RIT2: variants seen among roughly 807,000 people sequenced by gnomAD.
RIT2 encodes the protein Ras like without CAAX 2, also known as GTP-binding protein Rit2.
RIT2 carries 24 observed loss-of-function variants against 23.7 expected under a neutral mutation model. The observed-to-expected ratio is 1.01, with a 90% CI of 0.73 to 1.43. The LOEUF (loss-of-function observed/expected upper bound fraction) is 1.43. RIT2 is among the 40% of genes most tolerant of loss of function. The pLI, the probability that RIT2 is intolerant of heterozygous loss-of-function variation, is 0.00. For missense variants in RIT2, 236 were observed against 266.9 expected (o/e 0.88, Z 0.81); for synonymous variants, 107 against 91.1 (o/e 1.17, Z -0.99).
At chr18:42,998,104 A>T (rs1346307031) in intron 2 of RIT2, among the ~76,000 whole-genome samples, 1 of 152,094 alleles carries the variant, frequency 6.6e-6, no homozygotes, top group Non-Finnish European at 1.5e-5. Flanking sequence ...CTAAACACAC[A>T]GGACTTTTTT....
intron 1 of RIT2, among the ~76,000 whole-genome samples, chr18:43,046,564 C>G (rs4359539): frequency 0.88 from 134,312 of 152,172 alleles, 59,982 homozygotes; most frequent in Non-Finnish European, 0.97. Context: ...CTAGAGACTG[C>G]GAACATGGTG....
At chr18:42,927,295 G>A (rs370059498) in intron 3 of RIT2, among the ~76,000 whole-genome samples, 3 of 151,564 alleles carry the variant, frequency 2.0e-5, no homozygotes, top group East Asian at 3.9e-4. Flanking sequence ...TGAATGTGGA[G>A]GATATTTTAA....
chr18:42,818,071 T>C (rs1221451784), intron 4 of RIT2, among the ~76,000 whole-genome samples: 4 of 152,026 alleles, frequency 2.6e-5, no homozygotes, highest in Admixed American at 1.3e-4. Flanking sequence ...TGAATTTTTA[T>C]TAAAAAGAGT....
In RIT2 at chr18:42,951,571, T is replaced by A. The variant is rs1179885773; in HGVS notation, c.234+22503A>T. Among the ~76,000 whole-genome samples, 5 of 149,712 alleles carry A rather than the reference T, an allele frequency of 3.3e-5. No individual in the cohort carries two copies. In the East Asian group the frequency reaches 1.0e-3, roughly 31 times the overall value. Reference sequence around the variant, plus strand: ...TAAACCTGCAAATGTACCCACTGAATCTAAAATAAAAGTTAAAAAAGAAAA... The same window carrying A: ...TAAACCTGCAAATGTACCCACTGAAACTAAAATAAAAGTTAAAAAAGAAAA... On this transcript the variant is annotated intron_variant, in intron 3 of 4. Coordinates refer to ENST00000326695, the MANE Select transcript of RIT2 (RefSeq NM_002930.4).
chr18:42,861,810 T>A (rs569301821), intron 4 of RIT2, among the ~76,000 whole-genome samples: 24 of 152,336 alleles, frequency 1.6e-4, no homozygotes, highest in African/African-American at 5.3e-4. Flanking sequence ...CTCTTCTCCC[T>A]TTCAGTAGGC....
At chr18:43,031,944 A>G (rs1911863756) in intron 2 of RIT2, among the ~76,000 whole-genome samples, 1 of 152,108 alleles carries the variant, frequency 6.6e-6, no homozygotes, top group South Asian at 2.1e-4. Context: ...AGTTACAGTT[A>G]TGTAGCAGAA....
chr18:42,901,466 A>T (rs1002714448), intron 4 of RIT2, among the ~76,000 whole-genome samples: 1 of 152,032 alleles, frequency 6.6e-6, no homozygotes, highest in Non-Finnish European at 1.5e-5. Flanking sequence ...ACTTGTGGCC[A>T]GTAACAAAAT....
chr18:42,836,712 T>A (rs573724386), intron 4 of RIT2, among the ~76,000 whole-genome samples: 2 of 152,302 alleles, frequency 1.3e-5, no homozygotes, highest in South Asian at 4.2e-4. Context: ...AGTAAAGTAA[T>A]GTTCACTTTA....
intron 4 of RIT2, among the ~76,000 whole-genome samples, chr18:42,833,309 T>A (rs1906512169): frequency 6.6e-6 from 1 of 152,176 alleles, no homozygotes; most frequent in Non-Finnish European, 1.5e-5. Flanking sequence ...CTGCAAATTA[T>A]AGGATTTCAT....
chr18:42,833,148 C>A (rs1486029453), intron 4 of RIT2, among the ~76,000 whole-genome samples: 1 of 151,118 alleles, frequency 6.6e-6, no homozygotes, highest in Non-Finnish European at 1.5e-5. Flanking sequence ...CCTCCCCCAA[C>A]ACACACCCTT....
chr18:43,016,072 A>C (rs72899291), intron 2 of RIT2, among the ~76,000 whole-genome samples: 1 of 151,784 alleles, frequency 6.6e-6, no homozygotes, highest in African/African-American at 2.4e-5. Context: ...ATACATTTTT[A>C]AAAAATGCTA....
intron 4 of RIT2, among the ~76,000 whole-genome samples, chr18:42,827,802 A>G (rs1050894134): frequency 1.1e-4 from 17 of 151,898 alleles, no homozygotes; most frequent in Admixed American, 3.3e-4. Context: ...TCAGGAAATC[A>G]AGACCATCCT....
At chr18:42,960,615 C>T (rs570565617) in intron 3 of RIT2, among the ~76,000 whole-genome samples, 1 of 152,106 alleles carries the variant, frequency 6.6e-6, no homozygotes, top group African/African-American at 2.4e-5. Flanking sequence ...GCACCCAGCC[C>T]TGCCAATGTT....
At chr18:42,923,364 T>C (rs2144133727) in intron 4 of RIT2, 1 of 566,858 alleles carries the variant, frequency 1.8e-6, no homozygotes, top group Non-Finnish European at 3.1e-6. Flanking sequence ...AGGGCACTAG[T>C]AAGGGCACTC....
At chr18:42,997,364 T>C (rs971806730) in intron 2 of RIT2, among the ~76,000 whole-genome samples, 2 of 148,778 alleles carry the variant, frequency 1.3e-5, no homozygotes, top group Non-Finnish European at 3.0e-5. Flanking sequence ...AGAAAAGCAA[T>C]GTTGAGAAAC....
At chr18:42,834,062 C>T (rs1906533073) in intron 4 of RIT2, among the ~76,000 whole-genome samples, 1 of 152,128 alleles carries the variant, frequency 6.6e-6, no homozygotes, top group Non-Finnish European at 1.5e-5. Flanking sequence ...CGTAAAATAA[C>T]TTGCCCTCTC....
intron 4 of RIT2, among the ~76,000 whole-genome samples, chr18:42,817,006 CA>C (rs1286444472): frequency 1.3e-5 from 2 of 152,026 alleles, no homozygotes; most frequent in African/African-American, 4.8e-5. Context: ...AACAAGCTTT[CA>C]GGGGGAAGCT....
intron 4 of RIT2, among the ~76,000 whole-genome samples, chr18:42,849,563 C>T (rs1194457703): frequency 6.6e-6 from 1 of 151,834 alleles, no homozygotes; most frequent in Non-Finnish European, 1.5e-5. Flanking sequence ...TAGTGAGCAC[C>T]CAATATAGTC....
chr18:42,909,382 C>T (rs1275569540), intron 4 of RIT2, among the ~76,000 whole-genome samples: 2 of 152,020 alleles, frequency 1.3e-5, no homozygotes, highest in Admixed American at 6.6e-5. Context: ...GTGTACACGG[C>T]TCAGGTTCAT....
Sources: allele counts gnomAD v4.1 joint callset (sites outside exome capture counted in the v4.1 genomes callset), GRCh38; gene constraint gnomAD v4.1.1; transcripts MANE v1.5; gene names NCBI Gene and HGNC (gene_info 2026-07-23, HGNC 2026-07-21).